Variants in OSBPL9 observed in about 807,000 individuals in gnomAD.
The protein encoded by OSBPL9 is oxysterol binding protein like 9, also known as oxysterol-binding protein-related protein 9.
A neutral mutation model predicts 106.6 loss-of-function variants in OSBPL9; 40 were observed. The observed-to-expected ratio is 0.38, with a 90% CI of 0.29 to 0.49. The LOEUF is 0.49. Ranked by LOEUF, OSBPL9 falls within the 20% of genes least tolerant of loss-of-function variation. The pLI is 0.97. For missense variants in OSBPL9, 609 were observed against 887.2 expected (o/e 0.69, Z 3.98); for synonymous variants, 269 against 295.4 (o/e 0.91, Z 0.92).
At chr1:51,604,922 G>C (rs1239276940) in intron 2 of OSBPL9, among the ~76,000 whole-genome samples, 4 of 152,154 alleles carry the variant, frequency 2.6e-5, no homozygotes, top group African/African-American at 9.6e-5. Flanking sequence ...AAAGTGCTGG[G>C]ATTACAGGCG....
chr1:51,737,580 G>A (rs955149347), intron 4 of OSBPL9, among the ~76,000 whole-genome samples: 1 of 147,806 alleles, frequency 6.8e-6, no homozygotes, highest in Non-Finnish European at 1.5e-5. Context: ...GTGTGTGTGT[G>A]TGTACATTTT....
chr1:51,602,260 G>A (rs1008055553), intron 2 of OSBPL9, among the ~76,000 whole-genome samples: 20 of 151,488 alleles, frequency 1.3e-4, no homozygotes, highest in Non-Finnish European at 2.7e-4. Flanking sequence ...CGCCCGCCGC[G>A]GCCTCCCAAA....
At chr1:51,764,631 G>A (rs1283401566) in intron 11 of OSBPL9, among the ~76,000 whole-genome samples, 1 of 148,762 alleles carries the variant, frequency 6.7e-6, no homozygotes, top group South Asian at 2.1e-4. Context: ...TACCCAGGCT[G>A]TAATGCAATG....
Position 51,783,944 on chromosome 1 carries a change from A to G in OSBPL9, c.1543A>G (p.Lys515Glu), listed in dbSNP as rs757091763. 2 of 1,613,966 alleles carry G rather than the reference A, an allele frequency of 1.2e-6. No homozygotes were observed. The stretch of plus-strand genomic sequence containing the variant: ...AGCCTTTTATGCTGAGTGTTTTAAC[A>G]AGAAGATACAATTCAATGCTCATAT... ...ISAFYAECFN[K>E]KIQFNAHIWT... Residue 515 changes from lysine to glutamate, a missense_variant, in exon 18 of 24, where the codon AAG becomes GAG. Around this residue, in one of 5 missense-constraint regions of OSBPL9, gnomAD observed 356 missense variants for 505.8 expected, o/e 0.70. Coordinates refer to ENST00000428468, the MANE Select transcript of OSBPL9 (RefSeq NM_024586.6).
chr1:51,710,964 G>A (rs929484246), intron 3 of OSBPL9, among the ~76,000 whole-genome samples: 3 of 151,980 alleles, frequency 2.0e-5, no homozygotes, highest in Non-Finnish European at 4.4e-5. Flanking sequence ...GTCTTCTTCT[G>A]GGGTTCCAAT....
At chr1:51,690,329 G>C (rs145936682) in intron 3 of OSBPL9, among the ~76,000 whole-genome samples, 147 of 152,318 alleles carry the variant, frequency 9.7e-4, no homozygotes, top group Admixed American at 1.2e-3. Context: ...TGCTTTGAGT[G>C]AATCACTGAT....
At chr1:51,705,399 ATTTTTTTTTTTTT>A (rs869169566) in intron 3 of OSBPL9, among the ~76,000 whole-genome samples, 69 of 40,428 alleles carry the variant, frequency 1.7e-3, no homozygotes, top group Non-Finnish European at 2.1e-3. Context: ...ATATATATAT[ATTTTTTTTTTTTT>A]TTTTTTTTTT....
the OSBPL9 span, among the ~76,000 whole-genome samples, chr1:51,557,827 T>C: frequency 6.6e-6 from 1 of 152,166 alleles, no homozygotes; most frequent in Non-Finnish European, 1.5e-5. Context: ...CTTTGTATTA[T>C]TGAAACCACC....
At chr1:51,777,836 G>A (rs1452472970) in intron 15 of OSBPL9, among the ~76,000 whole-genome samples, 2 of 152,112 alleles carry the variant, frequency 1.3e-5, no homozygotes, top group East Asian at 3.9e-4. Flanking sequence ...TTATGTGTGA[G>A]AATTTAAACT....
intron 3 of OSBPL9, among the ~76,000 whole-genome samples, chr1:51,678,564 G>A (rs984358449): frequency 6.6e-6 from 1 of 152,174 alleles, no homozygotes; most frequent in African/African-American, 2.4e-5. Context: ...GGTAGGCTGA[G>A]GCGGGAGAAT....
chr1:51,633,628 A>G (rs1023824459), intron 1 of OSBPL9, among the ~76,000 whole-genome samples: 11 of 151,854 alleles, frequency 7.2e-5, no homozygotes, highest in African/African-American at 2.4e-4. Context: ...AAATAAAATA[A>G]AATAAAATGA....
At chr1:51,663,215 G>T (rs917562246) in intron 2 of OSBPL9, among the ~76,000 whole-genome samples, 1 of 151,998 alleles carries the variant, frequency 6.6e-6, no homozygotes, top group Non-Finnish European at 1.5e-5. Context: ...AATTTAAAAA[G>T]ACCTAAATAA....
intron 3 of OSBPL9, among the ~76,000 whole-genome samples, chr1:51,710,414 A>G (rs1207030396): frequency 6.6e-6 from 1 of 152,220 alleles, no homozygotes; most frequent in African/African-American, 2.4e-5. Flanking sequence ...ATATTATTAA[A>G]TATTATGATT....
intron 2 of OSBPL9, among the ~76,000 whole-genome samples, chr1:51,607,010 A>G (rs1296567887): frequency 1.3e-5 from 2 of 151,252 alleles, no homozygotes; most frequent in Non-Finnish European, 3.0e-5. Flanking sequence ...AGATCGCGCC[A>G]CTGCACTCCA....
the OSBPL9 span, among the ~76,000 whole-genome samples, chr1:51,571,881 C>A: frequency 6.6e-6 from 1 of 152,074 alleles, no homozygotes; most frequent in Non-Finnish European, 1.5e-5. Context: ...TCTTTTGTAA[C>A]CCAGGACTCT....
chr1:51,703,993 A>G (rs1657881269), intron 3 of OSBPL9, among the ~76,000 whole-genome samples: 1 of 152,208 alleles, frequency 6.6e-6, no homozygotes, highest in African/African-American at 2.4e-5. Flanking sequence ...AGCCCACTTG[A>G]TCATGGTAGA....
At position 51,745,494 on chromosome 1, in the gene OSBPL9, G is replaced by T. The variant is rs751114287; in HGVS notation, c.319-42G>T. On this transcript the variant is annotated intron_variant, in intron 4 of 23. Transcript: ENST00000428468. ...AGTATTTTTTGTACTATTAAACTTT[G>T]CTTGGGTTCTGGTAGATTTATTGCA... The T allele has an allele frequency of 1.8e-5, 29 of 1,596,706 alleles. No homozygotes were observed. The Admixed American group carries it at 2.1e-4, about 11-fold the overall frequency.
chr1:51,784,633 CT>C (rs757483219), intron 20 of OSBPL9, 51 bp downstream of exon 20: 1 of 1,577,010 alleles, frequency 6.3e-7, no homozygotes, highest in African/African-American at 1.4e-5. Context: ...AAATAACTGC[CT>C]TTTGTCTTGA....
intron 2 of OSBPL9, among the ~76,000 whole-genome samples, chr1:51,603,900 G>A (rs573735697): frequency 3.9e-5 from 6 of 152,258 alleles, no homozygotes; most frequent in African/African-American, 1.4e-4. Flanking sequence ...TTACCATAGT[G>A]GGCAATTGGA....
Sources: gnomAD v4.1 joint callset for allele counts (sites outside exome capture counted in the v4.1 genomes callset) on GRCh38, gnomAD v4.1.1 for gene constraint, gnomAD v4.1.1 regional missense constraint, MANE v1.5 for transcripts, NCBI Gene and HGNC (gene_info 2026-07-23, HGNC 2026-07-21) for gene names.